DNAAF10: variants seen among roughly 807,000 people sequenced by gnomAD.
DNAAF10 encodes WD repeat domain 92.
In DNAAF10, 28 loss-of-function variants were observed where a neutral mutation model predicts 43.7. The ratio of observed to expected loss-of-function variants is 0.64; its 90% confidence interval spans 0.48 to 0.88. The LOEUF (loss-of-function observed/expected upper bound fraction) is 0.88, where lower values mean the gene tolerates loss of function less well. Ranked by LOEUF, DNAAF10 falls within the 40% of genes least tolerant of loss-of-function variation. The pLI, the probability that DNAAF10 is intolerant of heterozygous loss-of-function variation, is 0.00. For missense variants in DNAAF10, 403 were observed against 439.1 expected, an observed-to-expected ratio of 0.92 and a Z score of 0.73; for synonymous variants, 156 against 157.3, an observed-to-expected ratio of 0.99 and a Z score of 0.06.
At chr2:68,134,678 A>G in intron 7 of DNAAF10, 24 bp downstream of exon 7, 8 of 1,601,560 alleles carry the variant, frequency 5.0e-6, no homozygotes, top group Non-Finnish European at 6.8e-6. Flanking sequence ...CTTTAAAAGG[A>G]GCAGTGTGCA....
rs144026247 is a variant in DNAAF10 at position 68,157,300 on chromosome 2, C to T, written c.144G>A (p.Leu48=). 6.2e-7 allele frequency: 1 copy of T among 1,614,144 alleles called. No individual in the cohort carries two copies. The highest frequency in any genetic ancestry group is 1.3e-5 in the African/African-American group (1 of 75,046). The part of the protein sequence containing the change: ...NFARGTGVIQ[L]YEIQHGDLKL... ...TCAGGTCCCCGTGCTGGATCTCGTACAGCTGAATGACGCCGGTGCCCCGTG... is the reference window on the plus strand; with the variant it reads ...TCAGGTCCCCGTGCTGGATCTCGTATAGCTGAATGACGCCGGTGCCCCGTG... Residue 48 remains leucine, a synonymous_variant, in exon 1 of 8, where the codon CTG becomes CTA. Transcript: ENST00000295121.
At chr2:68,140,918 A>G (rs1305712487) in intron 4 of DNAAF10, among the ~76,000 whole-genome samples, 1 of 152,222 alleles carries the variant, frequency 6.6e-6, no homozygotes, top group East Asian at 1.9e-4. Context: ...TGACTGACAC[A>G]GCATTTATAT....
chr2:68,133,187 T>G (rs1298871470), intron 7 of DNAAF10, among the ~76,000 whole-genome samples: 1 of 152,148 alleles, frequency 6.6e-6, no homozygotes, highest in Admixed American at 6.5e-5. Context: ...CTCAAACTTT[T>G]CCTCTGCTTT....
chr2:68,139,587 C>T (rs1673127057), intron 4 of DNAAF10, among the ~76,000 whole-genome samples: 1 of 149,088 alleles, frequency 6.7e-6, no homozygotes, highest in African/African-American at 2.5e-5. Flanking sequence ...AGATCGAGAC[C>T]ATCCTGGCTA....
At chr2:68,155,173 C>T (rs1456775797) in intron 1 of DNAAF10, among the ~76,000 whole-genome samples, 1 of 151,286 alleles carries the variant, frequency 6.6e-6, no homozygotes, top group East Asian at 1.9e-4. Context: ...AAAAAAATTT[C>T]AATCATGTCC....
At chr2:68,151,352 C>T (rs924312097) in intron 1 of DNAAF10, among the ~76,000 whole-genome samples, 1 of 152,152 alleles carries the variant, frequency 6.6e-6, no homozygotes, top group African/African-American at 2.4e-5. Flanking sequence ...CTACTTTTCC[C>T]CAGGTCACCA....
chr2:68,138,736 C>CT lies in DNAAF10; in HGVS notation c.633+5dup. On this transcript the variant is annotated splice_donor_region_variant and intron_variant, in intron 5 of 7. Coordinates refer to ENST00000295121, the MANE Select transcript of DNAAF10 (RefSeq NM_138458.4). ...AGAAACCAAAAAGCCTCAGAATGTACTTTACCCCATTTTTGATGTTTGTCT... is the reference window on the plus strand; with the variant it reads ...AGAAACCAAAAAGCCTCAGAATGTACTTTTACCCCATTTTTGATGTTTGTCT... The CT allele has an allele frequency of 1.2e-6, 2 of 1,603,828 alleles. No individual in the cohort carries two copies. The highest frequency in any genetic ancestry group is 1.7e-6 in the Non-Finnish European group (2 of 1,170,710).
Position 68,134,837 on chromosome 2 carries a change from T to C in DNAAF10, c.769-38A>G. 2.5e-6 allele frequency: 4 copies of C among 1,606,828 alleles called. No individual in the cohort carries two copies. In the South Asian group the frequency reaches 4.4e-5, roughly 18 times the overall value. On this transcript the variant is annotated intron_variant, in intron 6 of 7. Coordinates refer to ENST00000295121, the MANE Select transcript of DNAAF10 (RefSeq NM_138458.4). ...AGAGGCATACAACTGGTTTATATGC[T>C]AAATGGTGCCCTGGAAGAGAAACGC... is the stretch of plus-strand genomic sequence containing the variant.
At chr2:68,143,014 G>A (rs900530874) in intron 3 of DNAAF10, among the ~76,000 whole-genome samples, 1 of 152,002 alleles carries the variant, frequency 6.6e-6, no homozygotes, top group Non-Finnish European at 1.5e-5. Flanking sequence ...AGCCTCCCAA[G>A]TAGCTGGGAC....
chr2:68,150,757 T>C (rs1673437993), intron 1 of DNAAF10, among the ~76,000 whole-genome samples: 2 of 151,732 alleles, frequency 1.3e-5, no homozygotes, highest in Non-Finnish European at 2.9e-5. Context: ...AATAAAAAAA[T>C]AAAAATAAAA....
intron 5 of DNAAF10, among the ~76,000 whole-genome samples, chr2:68,138,129 C>T (rs980835615): frequency 1.5e-4 from 23 of 151,964 alleles, no homozygotes; most frequent in African/African-American, 5.3e-4. Context: ...GAGCCAACAT[C>T]GCGCCACTGC....
intron 7 of DNAAF10, chr2:68,134,074 T>C (rs1572915682): frequency 2.1e-6 from 2 of 938,692 alleles, no homozygotes; most frequent in Non-Finnish European, 2.5e-6. Context: ...TATTCAGAAA[T>C]ACCATTAACT....
At chr2:68,146,957 G>C (rs994521047) in intron 2 of DNAAF10, among the ~76,000 whole-genome samples, 23 of 152,044 alleles carry the variant, frequency 1.5e-4, no homozygotes, top group Admixed American at 3.3e-4. Context: ...ACACGAAAAA[G>C]GCATTTGGCA....
At position 68,156,632 on chromosome 2, in the gene DNAAF10, C is replaced by G. The variant is rs566140364; in HGVS notation, c.183+629G>C. 9.4e-4 allele frequency among the ~76,000 whole-genome samples: 143 copies of G among 152,270 alleles called. 1 individual carries two copies. Among genetic ancestry groups the G allele is most frequent in the African/African-American group, 3.3e-3 (135 of 41,538 alleles). On this transcript the variant is annotated intron_variant, in intron 1 of 7. Coordinates refer to ENST00000295121, the MANE Select transcript of DNAAF10 (RefSeq NM_138458.4). ...CTACAGATCTTGCAATGTCTGGTTC[C>G]TGCTTATCCCTCTAGTTTCTTAAGG...
At position 68,157,246 on chromosome 2, in the gene DNAAF10, C is replaced by A. The variant is rs746764251; in HGVS notation, c.183+15G>T. On this transcript the variant is annotated intron_variant, in intron 1 of 7. Transcript: ENST00000295121. ...CGCCCCCAACGGCAGTCCGGATCCT[C>A]GACCCGGCACCCACCTCCCGAAGCA... 3 of 1,605,864 alleles carry A rather than the reference C, an allele frequency of 1.9e-6. No individual in the cohort carries two copies. Among genetic ancestry groups the A allele is most frequent in the South Asian group, 1.1e-5 (1 of 89,964 alleles).
intron 6 of DNAAF10, 51 bp from the exon 7 acceptor site, chr2:68,134,850 G>A (rs765448392): frequency 4.4e-6 from 7 of 1,595,002 alleles, no homozygotes; most frequent in South Asian, 1.1e-5. Context: ...ATGGTGCCCT[G>A]GAAGAGAAAC....
chr2:68,154,240 CTTCTT>C (rs1673530077), intron 1 of DNAAF10, among the ~76,000 whole-genome samples: 1 of 140,066 alleles, frequency 7.1e-6, no homozygotes, highest in Middle Eastern at 3.7e-3. Flanking sequence ...TGAAAATATA[CTTCTT>C]TTTTCTTTTT....
chr2:68,147,196 G>C (rs978098731), intron 2 of DNAAF10, among the ~76,000 whole-genome samples: 1 of 151,964 alleles, frequency 6.6e-6, no homozygotes, highest in Admixed American at 6.6e-5. Flanking sequence ...ACAAATACAT[G>C]GCATTAAATG....
intron 6 of DNAAF10, 88 bp from the exon 7 acceptor site, chr2:68,134,887 A>AT: frequency 1.4e-6 from 2 of 1,407,640 alleles, no homozygotes; most frequent in Non-Finnish European, 2.0e-6. Flanking sequence ...TCTTACAACT[A>AT]TAATTTCAAT....
Sources: allele counts gnomAD v4.1 joint callset (sites outside exome capture counted in the v4.1 genomes callset), GRCh38; gene constraint gnomAD v4.1.1; transcripts MANE v1.5; gene names NCBI Gene and HGNC (gene_info 2026-07-23, HGNC 2026-07-21).